Variants in DNAH3 observed in about 807,000 individuals in gnomAD.
DNAH3 encodes the protein axonemal beta dynein heavy chain 3.
Under a neutral mutation model 432.5 loss-of-function variants are expected in DNAH3, and 332 were observed. The observed-to-expected ratio is 0.77, with a 90% CI of 0.70 to 0.84. DNAH3 has a LOEUF of 0.84. DNAH3 is among the 40% of genes least tolerant of loss of function. The pLI is 0.00. For synonymous variants in DNAH3, 1,956 were observed against 1,900.2 expected, an observed-to-expected ratio of 1.03 and a Z score of -0.76; for missense variants, 4,861 against 5,114.0, an observed-to-expected ratio of 0.95 and a Z score of 1.51.
intron 16 of DNAH3, among the ~76,000 whole-genome samples, chr16:21,102,597 A>T (rs1353027005): frequency 6.6e-6 from 1 of 152,172 alleles, no homozygotes; most frequent in Non-Finnish European, 1.5e-5. Flanking sequence ...ACAGAGTCTC[A>T]AAAAGATGAG....
intron 37 of DNAH3, among the ~76,000 whole-genome samples, chr16:21,027,662 A>G (rs1348797579): frequency 1.3e-5 from 2 of 152,238 alleles, no homozygotes; most frequent in Non-Finnish European, 2.9e-5. Context: ...CAACATGGTA[A>G]AACCCTGTCT....
At chr16:20,948,788 G>A (rs2084175681) in intron 56 of DNAH3, 151 bp from the exon 57 acceptor site, 4 of 833,148 alleles carry the variant, frequency 4.8e-6, no homozygotes, top group Admixed American at 2.6e-5. Flanking sequence ...GGCAGAAGAT[G>A]GCGGGTCCCC....
At chr16:21,051,920 A>G in intron 28 of DNAH3, 52 bp from the exon 29 acceptor site, 2 of 1,494,384 alleles carry the variant, frequency 1.3e-6, no homozygotes, top group South Asian at 1.1e-5. Flanking sequence ...AGAACTCTCC[A>G]TCTTTGTAAG....
At chr16:21,128,830 G>A (rs2092496091) in intron 7 of DNAH3, among the ~76,000 whole-genome samples, 1 of 148,418 alleles carries the variant, frequency 6.7e-6, no homozygotes, top group African/African-American at 2.5e-5. Context: ...CTGCACTCCA[G>A]CCTGGGTGAC....
At chr16:21,010,961 C>T (rs1440577263) in intron 41 of DNAH3, among the ~76,000 whole-genome samples, 3 of 148,256 alleles carry the variant, frequency 2.0e-5, no homozygotes, top group African/African-American at 7.5e-5. Flanking sequence ...AGAGGATATA[C>T]ACAAAAGAAG....
At chr16:21,154,083 A>C (rs1157400957) in intron 1 of DNAH3, among the ~76,000 whole-genome samples, 1 of 152,172 alleles carries the variant, frequency 6.6e-6, no homozygotes, top group African/African-American at 2.4e-5. Context: ...CCCACCAAAA[A>C]CAGCAACTGT....
intron 58 of DNAH3, among the ~76,000 whole-genome samples, chr16:20,942,960 G>T (rs2083882501): frequency 6.6e-6 from 1 of 152,096 alleles, no homozygotes. Flanking sequence ...CCAGGTGGGA[G>T]TGCAAAGGCA....
rs949872614 is a variant in DNAH3 at position 21,104,841 on chromosome 16, T to C, written c.2285-289A>G. 2.0e-5 allele frequency among the ~76,000 whole-genome samples: 3 copies of C among 152,328 alleles called. No homozygotes were observed. The East Asian group carries it at 5.8e-4, about 29-fold the overall frequency. ...TTGAGCCTAGTGGTCAAGGTTACAC[T>C]GCTAGAAGGCATCAGAGAGGAATTC... is the stretch of plus-strand genomic sequence containing the variant. On this transcript the variant is annotated intron_variant, in intron 15 of 61. Transcript: ENST00000261383.
intron 1 of DNAH3, among the ~76,000 whole-genome samples, chr16:21,154,703 A>G (rs2092887279): frequency 6.6e-6 from 1 of 152,222 alleles, no homozygotes; most frequent in Non-Finnish European, 1.5e-5. Context: ...ACCTGCCCAT[A>G]GTCACACAGC....
At chr16:21,099,233 CATGG>C (rs111518786) in intron 16 of DNAH3, among the ~76,000 whole-genome samples, 8,360 of 149,750 alleles carry the variant, frequency 0.056, 322 homozygotes, top group East Asian at 0.18. Flanking sequence ...AGACAATAGA[CATGG>C]ATGGATGGAT....
chr16:21,041,931 C>T, intron 32 of DNAH3, 96 bp downstream of exon 32: 1 of 1,472,310 alleles, frequency 6.8e-7, no homozygotes, highest in Non-Finnish European at 9.4e-7. Context: ...CCTTGGCCTC[C>T]CAAAGTGCTG....
At chr16:20,983,620 A>G (rs1371037879) in intron 48 of DNAH3, among the ~76,000 whole-genome samples, 1 of 151,836 alleles carries the variant, frequency 6.6e-6, no homozygotes, top group Admixed American at 6.6e-5. Context: ...GCCAATAACA[A>G]ATTTTGGGTT....
intron 20 of DNAH3, among the ~76,000 whole-genome samples, chr16:21,079,300 G>A (rs1304370048): frequency 6.6e-6 from 1 of 152,158 alleles, no homozygotes; most frequent in East Asian, 1.9e-4. Flanking sequence ...TAGGACGGTA[G>A]GACCTAGGAC....
At chr16:21,117,378 A>C (rs751930714) in intron 11 of DNAH3, 39 bp from the exon 12 acceptor site, 3 of 1,164,368 alleles carry the variant, frequency 2.6e-6, no homozygotes, top group East Asian at 4.8e-5. Context: ...TGCAAGACTT[A>C]AGAAGGGAGA....
chr16:21,089,997 T>C (rs1336570438), intron 18 of DNAH3, among the ~76,000 whole-genome samples: 1 of 152,074 alleles, frequency 6.6e-6, no homozygotes, highest in Non-Finnish European at 1.5e-5. Flanking sequence ...GGGATATCAC[T>C]ACCAACCTCT....
chr16:20,936,601 A>G, intron 60 of DNAH3, 48 bp downstream of exon 60: 8 of 1,520,130 alleles, frequency 5.3e-6, no homozygotes, highest in Non-Finnish European at 7.1e-6. Flanking sequence ...TGTCCTCTCC[A>G]CCTAAGCAAG....
At chr16:21,005,532 C>T (rs1370102840) in intron 41 of DNAH3, among the ~76,000 whole-genome samples, 1 of 152,114 alleles carries the variant, frequency 6.6e-6, no homozygotes, top group African/African-American at 2.4e-5. Flanking sequence ...GCACACGCCA[C>T]CGCACCCAGC....
At chr16:21,125,034 A>C in intron 9 of DNAH3, 141 bp downstream of exon 10, 1 of 591,564 alleles carries the variant, frequency 1.7e-6, no homozygotes, top group South Asian at 3.2e-5. Flanking sequence ...ATAAACTAAC[A>C]ACTGCCTGAT....
intron 31 of DNAH3, 93 bp from the exon 32 acceptor site, chr16:21,042,296 C>T: frequency 7.5e-7 from 1 of 1,338,948 alleles, no homozygotes; most frequent in South Asian, 1.5e-5. Flanking sequence ...AAAGAAAGAA[C>T]CCAATCACCC....
Sources: gnomAD v4.1 joint callset for allele counts (sites outside exome capture counted in the v4.1 genomes callset) on GRCh38, gnomAD v4.1.1 for gene constraint, MANE v1.5 for transcripts, NCBI Gene and HGNC (gene_info 2026-07-23, HGNC 2026-07-21) for gene names.